The following TBC1D9B variants were observed in gnomAD, a reference collection of about 807,000 sequenced individuals.
TBC1D9B encodes TBC1 domain family member 9B.
In TBC1D9B, 87 loss-of-function variants were observed where a neutral mutation model predicts 121.1. The ratio of observed to expected loss-of-function variants is 0.72; its 90% CI spans 0.60 to 0.86. The LOEUF (loss-of-function observed/expected upper bound fraction) is 0.86, where lower values mean the gene tolerates loss of function less well. Ranked by LOEUF, TBC1D9B falls within the 40% of genes least tolerant of loss-of-function variation. TBC1D9B has a pLI of 0.00. For synonymous variants in TBC1D9B, 668 were observed against 670.1 expected (o/e 1.00, Z 0.05); for missense variants, 1,540 against 1,628.6 (o/e 0.95, Z 0.94).
chr5:179,906,688 G>C (rs548383440), intron 1 of TBC1D9B, among the ~76,000 whole-genome samples: 55 of 152,330 alleles, frequency 3.6e-4, no homozygotes, highest in African/African-American at 1.2e-3. Context: ...AAGCTGAAGG[G>C]AACACTGAGT....
At position 179,878,432 on chromosome 5, in the gene TBC1D9B, G is replaced by A. The variant is rs772804956; in HGVS notation, c.1659C>T (p.Ile553=). The A allele has an allele frequency of 1.5e-5, 25 of 1,613,188 alleles. No homozygotes were observed. The South Asian group carries it at 2.4e-4, about 16-fold the overall frequency. Residue 553 remains isoleucine (I), a synonymous_variant, in exon 10 of 21, where the codon ATC becomes ATT. Coordinates refer to ENST00000355235, the MANE Select transcript of TBC1D9B (RefSeq NM_015043.4). ...TGKYSLATEE[I]ERDLHRSMPE... is the part of the protein sequence containing the mutation. ...GCATGGAGCGGTGCAGGTCTCGCTC[G>A]ATCTCCTCTGTGGCCAGGCTGTACT...
At position 179,863,933 on chromosome 5, in the gene TBC1D9B, C is replaced by G. The variant is rs147706585; in HGVS notation, c.3217G>C (p.Glu1073Gln). Residue 1073 changes from glutamate to glutamine, a missense_variant, in exon 21 of 21, where the codon GAA becomes CAA. Physicochemically the swap from Glu to Gln is conservative, Grantham distance 29 (BLOSUM62 2). Transcript: ENST00000355235. This position sits in a 1 kb window ranked among gnomAD's most constrained non-coding sequence, Gnocchi z 4.5. ...TCCCTGGCTGCGTCCTGATGCAGTT[C>G]GGGTGCTGGTGGCTCGTCCTCCTCA... is the stretch of plus-strand genomic sequence containing the variant. ...ATEEDEPPAPELHQDAARELQ... is the reference protein window; with the variant it reads ...ATEEDEPPAPQLHQDAARELQ... 1.4e-5 allele frequency: 22 copies of G among 1,613,782 alleles called. No homozygotes were observed. Among genetic ancestry groups the G allele is most frequent in the Non-Finnish European group, 1.8e-5 (21 of 1,180,026 alleles).
At chr5:179,889,343 T>C (rs1315628931) in intron 6 of TBC1D9B, among the ~76,000 whole-genome samples, 2 of 152,196 alleles carry the variant, frequency 1.3e-5, no homozygotes, top group African/African-American at 4.8e-5. Context: ...GTGCACTTTT[T>C]ATGTCTGTGT....
intron 20 of TBC1D9B, among the ~76,000 whole-genome samples, chr5:179,864,884 C>T (rs988799535): frequency 3.9e-5 from 6 of 152,188 alleles, no homozygotes; most frequent in Admixed American, 1.3e-4. Context: ...TTCTGATCTG[C>T]GAGACCAGTG....
intron 10 of TBC1D9B, among the ~76,000 whole-genome samples, chr5:179,876,430 A>G (rs534190837): frequency 2.0e-5 from 3 of 152,184 alleles, no homozygotes; most frequent in Non-Finnish European, 4.4e-5. Context: ...TGGAGGTGGG[A>G]TTATGACCAA....
In TBC1D9B at chr5:179,888,455, C is replaced by A. The variant is rs1760758784; in HGVS notation, c.1045-143G>T. The A allele has an allele frequency of 1.7e-5, 15 of 864,886 alleles. No individual in the cohort carries two copies. The South Asian group carries it at 2.4e-4, about 14-fold the overall frequency. The allele number at this position is 864,886 out of a possible 1,614,324, so 53.6% of individuals were successfully genotyped here. A position where few individuals can be genotyped will look rare whatever the true frequency, so the allele number is the denominator to read the frequency against. On this transcript the variant is annotated intron_variant, in intron 6 of 20. Transcript: ENST00000355235. The stretch of plus-strand genomic sequence containing the variant: ...GCCCAACTGTCCTCACATTCTGACT[C>A]TGCCACCCGCTGCACCTAACCCCGA...
intron 3 of TBC1D9B, among the ~76,000 whole-genome samples, chr5:179,898,795 G>A (rs184478495): frequency 1.3e-5 from 2 of 152,272 alleles, no homozygotes; most frequent in East Asian, 1.9e-4. Flanking sequence ...TAGGGTAAAC[G>A]CCAAGAATGG....
At chr5:179,881,767 T>G (rs1339746293) in intron 7 of TBC1D9B, among the ~76,000 whole-genome samples, 1 of 152,144 alleles carries the variant, frequency 6.6e-6, no homozygotes, top group Non-Finnish European at 1.5e-5. Flanking sequence ...ATATAGTTTC[T>G]TAGTCCTCTC....
At chr5:179,872,854 C>A (rs755663186) in intron 14 of TBC1D9B, 38 bp downstream of exon 14, 2 of 1,533,684 alleles carry the variant, frequency 1.3e-6, no homozygotes, top group Non-Finnish European at 9.0e-7. Context: ...TGCTGCCCCC[C>A]CAGCCCAGCC....
chr5:179,863,673 C>G lies in TBC1D9B; in HGVS notation c.3477G>C (p.Leu1159=). The change falls in exon 21 of 21, where the codon CTG becomes CTC. Residue 1159 remains leucine (L), a synonymous_variant. Transcript: ENST00000355235. This position sits in a 1 kb window ranked among gnomAD's most constrained non-coding sequence, Gnocchi z 4.5. ...TGGGGCTGCAGGCCTCCCCGCCCAC[C>G]AGCACCGTGTCGTCTGCAAGGTCTT... ...QCEDLADDTV[L]VGGEACSPTA... is the part of the protein sequence containing the mutation. 1.9e-6 allele frequency: 3 copies of G among 1,613,804 alleles called. No homozygotes were observed. The South Asian group carries it at 3.3e-5, about 18-fold the overall frequency.
intron 15 of TBC1D9B, 109 bp from the exon 16 acceptor site, chr5:179,870,604 C>T (rs1760163771): frequency 1.2e-5 from 18 of 1,447,458 alleles, no homozygotes; most frequent in Non-Finnish European, 1.6e-5. Context: ...CCTGCGGAGC[C>T]CTGGGGCGGT....
chr5:179,881,622 C>A (rs1760541689), intron 7 of TBC1D9B, among the ~76,000 whole-genome samples: 1 of 152,216 alleles, frequency 6.6e-6, no homozygotes, highest in Non-Finnish European at 1.5e-5. Context: ...GAAGTTACCT[C>A]CATTACTCTG....
Position 179,904,620 on chromosome 5 carries a change from T to C in TBC1D9B, c.229+82A>G. 1 of 1,203,846 alleles carries C rather than the reference T, an allele frequency of 8.3e-7. No individual in the cohort carries two copies. The highest frequency in any genetic ancestry group is 1.3e-5 in the South Asian group (1 of 75,116). The allele number at this position is 1,203,846 out of a possible 1,614,324, so 74.6% of individuals were successfully genotyped here. On this transcript the variant is annotated intron_variant, in intron 2 of 20. Transcript: ENST00000355235. The surrounding 1 kb of genome is among the most constrained non-coding windows in gnomAD (Gnocchi z 4.2). Reference sequence around the variant, plus strand: ...CAGCAGGGAATACCACCCAGACACGTGGGCTACACACCCCTTCCTCTCGGC... The same window carrying C: ...CAGCAGGGAATACCACCCAGACACGCGGGCTACACACCCCTTCCTCTCGGC...
At position 179,879,539 on chromosome 5, in the gene TBC1D9B, G is replaced by C. The variant is rs1238753215; in HGVS notation, c.1416+89C>G. On this transcript the variant is annotated intron_variant, in intron 8 of 20. Transcript: ENST00000355235. ...CCCAGCGGTCAGCCCAGGGCCCTGA[G>C]GGAAGGCCCAGGCCCAGGACTGGCT... The C allele has an allele frequency of 3.8e-6, 6 of 1,596,316 alleles. No homozygotes were observed. The African/African-American group carries it at 6.7e-5, about 18-fold the overall frequency.
chr5:179,879,516 C>T lies in TBC1D9B; in HGVS notation c.1416+112G>A, dbSNP rs1220031730. On this transcript the variant is annotated intron_variant, in intron 8 of 20. Coordinates refer to ENST00000355235, the MANE Select transcript of TBC1D9B (RefSeq NM_015043.4). ...GGGTGCAGCCTGGGTGGGCACTGCC[C>T]AGCGGTCAGCCCAGGGCCCTGAGGG... 7.8e-6 allele frequency: 12 copies of T among 1,533,600 alleles called. No homozygotes were observed. In the African/African-American group the frequency reaches 1.6e-4, roughly 21 times the overall value. The allele number at this position is 1,533,600 out of a possible 1,614,324, so 95.0% of individuals were successfully genotyped here. A position where few individuals can be genotyped will look rare whatever the true frequency, so the allele number is the denominator to read the frequency against.
intron 2 of TBC1D9B, among the ~76,000 whole-genome samples, chr5:179,899,791 C>T (rs1386847907): frequency 6.6e-6 from 1 of 152,154 alleles, no homozygotes; most frequent in East Asian, 1.9e-4. Flanking sequence ...GACTCCAGGC[C>T]CCTGGCCAGC....
Position 179,894,555 on chromosome 5 carries a change from C to T in TBC1D9B, c.408G>A (p.Lys136=), listed in dbSNP as rs1193869187. ...LQPQGDEDPG[K]FKEAELKMRK... ...GCATCTTCAGCTCAGCCTCCTTGAA[C>T]TTCCCGGGGTCCTCGTCTCCCTGGG... Residue 136 remains lysine, a synonymous_variant, in exon 4 of 21, where the codon AAG becomes AAA. Transcript: ENST00000355235. The T allele has an allele frequency of 3.1e-6, 5 of 1,614,136 alleles. No homozygotes were observed. In the African/African-American group the frequency reaches 5.3e-5, roughly 17 times the overall value.
chr5:179,886,288 A>C (rs1231047221), intron 7 of TBC1D9B, among the ~76,000 whole-genome samples: 1 of 152,180 alleles, frequency 6.6e-6, no homozygotes, highest in East Asian at 1.9e-4. Flanking sequence ...CGATGTGTTC[A>C]CTGTTCTACT....
In TBC1D9B at chr5:179,865,177, C is replaced by G; in HGVS notation, c.3021+77G>C. ...CCACCCACCAGGAGATGCTGCAGTG[C>G]AGGTGCGGTGATGTTAGGGCCCAGT... On this transcript the variant is annotated intron_variant, in intron 20 of 20. Coordinates refer to ENST00000355235, the MANE Select transcript of TBC1D9B (RefSeq NM_015043.4). The surrounding 1 kb of genome is among the most constrained non-coding windows in gnomAD (Gnocchi z 5.1). 7.4e-7 allele frequency: 1 copy of G among 1,353,038 alleles called. No individual in the cohort carries two copies. The highest frequency in any genetic ancestry group is 1.1e-6 in the Non-Finnish European group (1 of 944,280). 83.8% of individuals were successfully genotyped at this position (1,353,038 alleles called of 1,614,324 possible).
Sources: allele counts gnomAD v4.1 joint callset (sites outside exome capture counted in the v4.1 genomes callset), GRCh38; gene constraint gnomAD v4.1.1; non-coding constraint Gnocchi (gnomAD v3.1); transcripts MANE v1.5; gene names NCBI Gene and HGNC (gene_info 2026-07-23, HGNC 2026-07-21).